The following CNTLN variants were observed in gnomAD, a reference collection of about 807,000 sequenced individuals.
CNTLN encodes the protein centlein, also known as centlein, centrosomal protein.
In CNTLN, 212 loss-of-function variants were observed where a neutral mutation model predicts 180.0. The ratio of observed to expected loss-of-function variants is 1.18; its 90% confidence interval spans 1.05 to 1.32. The LOEUF is 1.32. Ranked by LOEUF, CNTLN falls within the 40% of genes most tolerant of loss-of-function variation. The pLI, the probability that CNTLN is intolerant of heterozygous loss-of-function variation, is 0.00. For synonymous variants in CNTLN, 722 were observed against 563.1 expected, an observed-to-expected ratio of 1.28 and a Z score of -3.99; for missense variants, 2,095 against 1,610.9, an observed-to-expected ratio of 1.30 and a Z score of -5.14.
intron 3 of CNTLN, among the ~76,000 whole-genome samples, chr9:17,230,272 GT>G (rs1824728626): frequency 6.6e-6 from 1 of 152,130 alleles, no homozygotes; most frequent in African/African-American, 2.4e-5. Flanking sequence ...GTGTTTACAT[GT>G]TGTTAGGTTA....
At chr9:17,162,370 T>A (rs1333822031) in intron 2 of CNTLN, among the ~76,000 whole-genome samples, 1 of 152,198 alleles carries the variant, frequency 6.6e-6, no homozygotes, top group African/African-American at 2.4e-5. Flanking sequence ...CGCCTCGGCC[T>A]CCCAAAGTGC....
intron 2 of CNTLN, among the ~76,000 whole-genome samples, chr9:17,223,377 T>A (rs1824269567): frequency 6.6e-6 from 1 of 152,032 alleles, no homozygotes; most frequent in Non-Finnish European, 1.5e-5. Context: ...CCAGACTTTT[T>A]AATTCAACTG....
At chr9:17,255,991 T>C (rs1440085498) in intron 5 of CNTLN, among the ~76,000 whole-genome samples, 3 of 151,966 alleles carry the variant, frequency 2.0e-5, no homozygotes, top group Non-Finnish European at 4.4e-5. Flanking sequence ...TTGTATTTGT[T>C]AGAATACAGT....
chr9:17,258,746 T>G (rs796286148), intron 5 of CNTLN, among the ~76,000 whole-genome samples: 13 of 146,434 alleles, frequency 8.9e-5, no homozygotes, highest in South Asian at 7.0e-4. Context: ...GTTGTGAATG[T>G]GAGTTCACTC....
chr9:17,226,348 A>G, intron 3 of CNTLN, 61 bp downstream of exon 3: 2 of 913,392 alleles, frequency 2.2e-6, no homozygotes, highest in South Asian at 4.1e-5. Context: ...TAGATCTTCA[A>G]AATTATTTTT....
At chr9:17,170,633 C>A (rs1004323242) in intron 2 of CNTLN, among the ~76,000 whole-genome samples, 3 of 151,922 alleles carry the variant, frequency 2.0e-5, no homozygotes, top group African/African-American at 7.2e-5. Flanking sequence ...TATTCCTCAG[C>A]TTCGGAATTT....
chr9:17,278,441 C>G (rs938084033), intron 6 of CNTLN, among the ~76,000 whole-genome samples: 1 of 151,624 alleles, frequency 6.6e-6, no homozygotes, highest in African/African-American at 2.4e-5. Flanking sequence ...TCTTCTTGTC[C>G]CAGAGTGTGG....
intron 6 of CNTLN, among the ~76,000 whole-genome samples, chr9:17,288,408 G>C (rs1056131436): frequency 2.1e-5 from 3 of 141,484 alleles, no homozygotes; most frequent in African/African-American, 8.5e-5. Context: ...TACATTTGCT[G>C]AGGAGAACTT....
intron 12 of CNTLN, among the ~76,000 whole-genome samples, chr9:17,360,718 T>A (rs1234157112): frequency 6.6e-6 from 1 of 152,164 alleles, no homozygotes; most frequent in Non-Finnish European, 1.5e-5. Context: ...TATTTTGGGA[T>A]TTTGCAGACG....
chr9:17,469,065 C>A (rs1020724591), intron 23 of CNTLN, among the ~76,000 whole-genome samples: 12 of 151,678 alleles, frequency 7.9e-5, no homozygotes, highest in African/African-American at 2.9e-4. Context: ...TCATCAGAAT[C>A]CTGTTTCTAC....
intron 5 of CNTLN, among the ~76,000 whole-genome samples, chr9:17,261,695 C>G (rs902048997): frequency 6.6e-6 from 1 of 151,092 alleles, no homozygotes; most frequent in Non-Finnish European, 1.5e-5. Flanking sequence ...GCTAGGACTT[C>G]TAGTACTATG....
At chr9:17,148,538 C>G (rs1418939074) in intron 2 of CNTLN, among the ~76,000 whole-genome samples, 4 of 152,192 alleles carry the variant, frequency 2.6e-5, no homozygotes, top group Non-Finnish European at 5.9e-5. Context: ...TGTTTTCTCC[C>G]TATGGCATGT....
chr9:17,359,722 ATAC>A (rs139910730), intron 12 of CNTLN, among the ~76,000 whole-genome samples: 481 of 33,636 alleles, frequency 0.014, 35 homozygotes, highest in Middle Eastern at 0.042. Context: ...TATACTAAAA[ATAC>A]AAAAAAAAAA....
At chr9:17,249,431 C>T (rs1229930687) in intron 5 of CNTLN, among the ~76,000 whole-genome samples, 1 of 146,150 alleles carries the variant, frequency 6.8e-6, no homozygotes, top group African/African-American at 2.5e-5. Flanking sequence ...TCACTGCAAG[C>T]TCTACCTCCC....
intron 18 of CNTLN, among the ~76,000 whole-genome samples, chr9:17,425,301 T>A (rs1829003559): frequency 6.6e-6 from 1 of 152,062 alleles, no homozygotes; most frequent in Admixed American, 6.6e-5. Context: ...TGGGCCCTCA[T>A]CATGTGGTTA....
At position 17,235,695 on chromosome 9, in the gene CNTLN, T is replaced by C; in HGVS notation, c.572T>C (p.Val191Ala). 1 of 1,608,836 alleles carries C rather than the reference T, an allele frequency of 6.2e-7. No homozygotes were observed. Among genetic ancestry groups the C allele is most frequent in the Non-Finnish European group, 8.5e-7 (1 of 1,177,812 alleles). ...CTGAAACAGGAAATAAATGACCTTGTAAAACGGAAAATTGCAGTAGATGAA... is the reference window on the plus strand; with the variant it reads ...CTGAAACAGGAAATAAATGACCTTGCAAAACGGAAAATTGCAGTAGATGAA... ...SVLKQEINDL[V>A]KRKIAVDEEN... Residue 191 changes from valine (V) to alanine (A), a missense_variant, in exon 4 of 26, where the codon GTA becomes GCA. Coordinates refer to ENST00000380647, the MANE Select transcript of CNTLN (RefSeq NM_017738.4).
chr9:17,294,231 A>C (rs975010912), intron 6 of CNTLN, among the ~76,000 whole-genome samples: 3 of 151,968 alleles, frequency 2.0e-5, no homozygotes, highest in Non-Finnish European at 4.4e-5. Context: ...CACAGTGTGG[A>C]AGGGGACCCA....
chr9:17,377,294 C>G (rs1458796206), intron 13 of CNTLN, among the ~76,000 whole-genome samples: 2 of 152,150 alleles, frequency 1.3e-5, no homozygotes. Context: ...GCCTGTAATC[C>G]TAGCACTTTG....
the CNTLN span, among the ~76,000 whole-genome samples, chr9:17,514,064 T>C: frequency 1.3e-5 from 2 of 151,890 alleles, no homozygotes. Flanking sequence ...TCCCAGCACT[T>C]TGGGAGGCTG....
Sources: gnomAD v4.1 joint callset for allele counts (sites outside exome capture counted in the v4.1 genomes callset) on GRCh38, gnomAD v4.1.1 for gene constraint, MANE v1.5 for transcripts, NCBI Gene and HGNC (gene_info 2026-07-23, HGNC 2026-07-21) for gene names.